PTPRT: variants seen among roughly 807,000 people sequenced by gnomAD.
PTPRT encodes the protein protein tyrosine phosphatase receptor type T, also known as receptor-type tyrosine-protein phosphatase T.
A neutral mutation model predicts 176.8 loss-of-function variants in PTPRT; 56 were observed. The ratio of observed to expected loss-of-function variants is 0.32; its 90% confidence interval spans 0.26 to 0.40. The LOEUF is 0.40. PTPRT is among the 10% of genes least tolerant of loss of function. The pLI is 1.00. For synonymous variants in PTPRT, 783 were observed against 739.0 expected, an observed-to-expected ratio of 1.06 and a Z score of -0.96; for missense variants, 1,540 against 1,908.2, an observed-to-expected ratio of 0.81 and a Z score of 3.60.
intron 4 of PTPRT, among the ~76,000 whole-genome samples, chr20:42,772,032 A>G (rs1022105141): frequency 1.5e-4 from 23 of 152,220 alleles, no homozygotes; most frequent in African/African-American, 5.5e-4. Context: ...ACCATAGGTG[A>G]TGCTTCCCTG....
At chr20:42,213,785 T>C (rs189449193) in intron 15 of PTPRT, among the ~76,000 whole-genome samples, 36 of 152,206 alleles carry the variant, frequency 2.4e-4, no homozygotes, top group Non-Finnish European at 4.9e-4. Context: ...CACCATTCTA[T>C]TTAGAGTCTC....
chr20:42,681,686 C>A (rs1023909140), intron 6 of PTPRT, among the ~76,000 whole-genome samples: 17 of 152,122 alleles, frequency 1.1e-4, no homozygotes, highest in African/African-American at 3.9e-4. Context: ...CCCCTTCCAG[C>A]CTTCACTCGA....
intron 14 of PTPRT, among the ~76,000 whole-genome samples, chr20:42,240,031 C>T (rs1373448949): frequency 6.6e-6 from 1 of 152,150 alleles, no homozygotes; most frequent in Non-Finnish European, 1.5e-5. Context: ...CATTCTGGAC[C>T]TTCTAGTTTT....
intron 13 of PTPRT, among the ~76,000 whole-genome samples, chr20:42,264,994 A>C (rs1174295354): frequency 6.6e-6 from 1 of 152,204 alleles, no homozygotes; most frequent in Non-Finnish European, 1.5e-5. Context: ...TCTGGACCTC[A>C]ATTTCCTCAT....
chr20:42,376,571 C>G (rs2058650476), intron 9 of PTPRT, among the ~76,000 whole-genome samples: 1 of 152,190 alleles, frequency 6.6e-6, no homozygotes, highest in South Asian at 2.1e-4. Context: ...AACCCTCACC[C>G]CAAGAACCTC....
At chr20:43,169,122 T>C (rs890865806) in intron 1 of PTPRT, among the ~76,000 whole-genome samples, 4 of 152,284 alleles carry the variant, frequency 2.6e-5, no homozygotes, top group Middle Eastern at 3.4e-3. Flanking sequence ...GTTGGTCCTC[T>C]AAACCATCTA....
intron 10 of PTPRT, 94 bp downstream of exon 10, chr20:42,351,990 A>C: frequency 4.1e-6 from 5 of 1,208,288 alleles, no homozygotes; most frequent in Non-Finnish European, 6.0e-6. Context: ...CCCATATCAC[A>C]GGGTGACAAT....
intron 3 of PTPRT, among the ~76,000 whole-genome samples, chr20:42,786,422 T>C (rs1050736851): frequency 2.0e-5 from 3 of 152,166 alleles, no homozygotes; most frequent in Non-Finnish European, 2.9e-5. Context: ...AAGTGCAAGC[T>C]ATTTTCCCTA....
chr20:42,604,795 G>T (rs1314652288), intron 7 of PTPRT, among the ~76,000 whole-genome samples: 1 of 152,132 alleles, frequency 6.6e-6, no homozygotes, highest in African/African-American at 2.4e-5. Context: ...TTCCATAATT[G>T]TACCATACTT....
At chr20:42,730,730 C>T (rs920632530) in intron 6 of PTPRT, among the ~76,000 whole-genome samples, 1 of 152,192 alleles carries the variant, frequency 6.6e-6, no homozygotes, top group Non-Finnish European at 1.5e-5. Context: ...CAGCCAAGAT[C>T]ATGTTTGCTT....
chr20:42,479,212 A>G (rs2071340236), intron 7 of PTPRT, among the ~76,000 whole-genome samples: 1 of 152,238 alleles, frequency 6.6e-6, no homozygotes, highest in African/African-American at 2.4e-5. Flanking sequence ...TTTGCTACGT[A>G]TTCATGTTTG....
intron 1 of PTPRT, among the ~76,000 whole-genome samples, chr20:43,063,114 G>T (rs954877991): frequency 2.0e-5 from 3 of 151,978 alleles, no homozygotes; most frequent in Non-Finnish European, 4.4e-5. Flanking sequence ...AAATTTTCAG[G>T]GTTCTTGGTG....
intron 1 of PTPRT, among the ~76,000 whole-genome samples, chr20:43,049,899 C>T (rs913015554): frequency 1.3e-5 from 2 of 152,250 alleles, no homozygotes; most frequent in African/African-American, 4.8e-5. Context: ...ATTATGGGAT[C>T]TCCCTGAGCC....
rs1465792715 is a variant in PTPRT at position 42,249,175 on chromosome 20, A to C, written c.2177-353T>G. Among the ~76,000 whole-genome samples, 3 of 152,204 alleles carry C rather than the reference A, an allele frequency of 2.0e-5. No homozygotes were observed. The South Asian group carries it at 6.2e-4, about 32-fold the overall frequency. ...TTTGTCTCTAGGATCAAACCATGGA[A>C]CACTGGGAATTATACCTAACCCTAC... On this transcript the variant is annotated intron_variant, in intron 13 of 30. Transcript: ENST00000373187.
intron 11 of PTPRT, among the ~76,000 whole-genome samples, chr20:42,346,805 T>G (rs2058201639): frequency 6.6e-6 from 1 of 152,188 alleles, no homozygotes; most frequent in African/African-American, 2.4e-5. Context: ...GGCCAAAGTT[T>G]CTGTGTGAGT....
intron 9 of PTPRT, among the ~76,000 whole-genome samples, chr20:42,395,130 C>A (rs2058837132): frequency 6.6e-6 from 1 of 152,148 alleles, no homozygotes; most frequent in Admixed American, 6.6e-5. Flanking sequence ...TACATTTCCC[C>A]ATTTCAGTCT....
At chr20:42,477,150 T>C (rs1027003796) in intron 7 of PTPRT, among the ~76,000 whole-genome samples, 1 of 152,148 alleles carries the variant, frequency 6.6e-6, no homozygotes, top group Non-Finnish European at 1.5e-5. Flanking sequence ...ACTTAGCATT[T>C]GTCACACTGC....
At chr20:42,489,788 G>C (rs1368567478) in intron 7 of PTPRT, among the ~76,000 whole-genome samples, 1 of 144,890 alleles carries the variant, frequency 6.9e-6, no homozygotes, top group Non-Finnish European at 1.5e-5. Flanking sequence ...CTTTCCCTAT[G>C]AAAGACACAA....
chr20:43,110,786 G>A (rs2425608), intron 1 of PTPRT, among the ~76,000 whole-genome samples: 57,844 of 151,990 alleles, frequency 0.38, 11,638 homozygotes, highest in African/African-American at 0.52. Context: ...AGTGGGGCTG[G>A]GAGCAGAGGA....
Sources: allele counts gnomAD v4.1 joint callset (sites outside exome capture counted in the v4.1 genomes callset), GRCh38; gene constraint gnomAD v4.1.1; transcripts MANE v1.5; gene names NCBI Gene and HGNC (gene_info 2026-07-23, HGNC 2026-07-21).